Variants in CARS2 observed in about 807,000 individuals in gnomAD.
CARS2 encodes probable cysteine--tRNA ligase, mitochondrial.
In CARS2, 52 loss-of-function variants were observed where a neutral mutation model predicts 68.8. The ratio of observed to expected loss-of-function variants is 0.76; its 90% confidence interval spans 0.61 to 0.95. The LOEUF is 0.95. Ranked by LOEUF, CARS2 falls within the 40% of genes least tolerant of loss-of-function variation. The pLI, the probability that CARS2 is intolerant of heterozygous loss-of-function variation, is 0.00. For missense variants in CARS2, 780 were observed against 754.2 expected (o/e 1.03, Z -0.40); for synonymous variants, 314 against 303.6 (o/e 1.03, Z -0.36).
chr13:110,693,259 C>T (rs2063526557), intron 3 of CARS2, among the ~76,000 whole-genome samples: 1 of 152,182 alleles, frequency 6.6e-6, no homozygotes, highest in African/African-American at 2.4e-5. Flanking sequence ...GCTGCACCAG[C>T]ACCAACGGCC....
At position 110,653,072 on chromosome 13, in the gene CARS2, C is replaced by T. The variant is rs1221504957; in HGVS notation, c.988-1972G>A. 6.6e-6 allele frequency among the ~76,000 whole-genome samples: 1 copy of T among 151,946 alleles called. No homozygotes were observed. Among genetic ancestry groups the T allele is most frequent in the African/African-American group, 2.4e-5 (1 of 41,312 alleles). On this transcript the variant is annotated intron_variant, in intron 9 of 14. Coordinates refer to ENST00000257347, the MANE Select transcript of CARS2 (RefSeq NM_024537.4). The surrounding 1 kb of genome is among the most constrained non-coding windows in gnomAD (Gnocchi z 5.6). ...AAGCAGAGCCCCCGCTCCTCTACTT[C>T]AGTATCATCAACGGCCTTTGGGATC...
At chr13:110,710,281 C>T (rs991051498), upstream of CARS2, among the ~76,000 whole-genome samples, 1 of 152,116 alleles carries the variant, frequency 6.6e-6, no homozygotes, top group Admixed American at 6.6e-5. Context: ...ACTCAGGAGG[C>T]TGAGGCAGGA....
At chr13:110,672,585 T>G (rs1459181329) in intron 7 of CARS2, among the ~76,000 whole-genome samples, 1 of 152,188 alleles carries the variant, frequency 6.6e-6, no homozygotes, top group Non-Finnish European at 1.5e-5. Flanking sequence ...GGGAAATTTA[T>G]AGCACTAAAT....
chr13:110,705,742 C>T lies in CARS2; in HGVS notation c.224+128G>A, dbSNP rs2063924379. 3 of 1,537,336 alleles carry T rather than the reference C, an allele frequency of 2.0e-6. No individual in the cohort carries two copies. The highest frequency in any genetic ancestry group is 2.6e-6 in the Non-Finnish European group (3 of 1,144,756). On this transcript the variant is annotated intron_variant, in intron 1 of 14. Coordinates refer to ENST00000257347, the MANE Select transcript of CARS2 (RefSeq NM_024537.4). The surrounding 1 kb of genome is among the most constrained non-coding windows in gnomAD (Gnocchi z 4.0). Reference sequence around the variant, plus strand: ...CAAACCTGCAAAAGCACCGCGCACCCCCAGCTTCTAGAACGGCGCCCTCCA... The same window carrying T: ...CAAACCTGCAAAAGCACCGCGCACCTCCAGCTTCTAGAACGGCGCCCTCCA...
rs770452008 is a variant in CARS2 at position 110,647,227 on chromosome 13, C to T, written c.1067G>A (p.Ser356Asn). ...RSSYRSAIDYSDSAMLQAQQL... is the reference protein window; with the variant it reads ...RSSYRSAIDYNDSAMLQAQQL... Reference sequence around the variant, plus strand: ...CTGAGCTTGGAGCATGGCGCTGTCACTGTAGTCGATGGCTGAGGAGGAAGA... The same window carrying T: ...CTGAGCTTGGAGCATGGCGCTGTCATTGTAGTCGATGGCTGAGGAGGAAGA... Residue 356 changes from serine (S) to asparagine (N), a missense_variant, in exon 11 of 15, where the codon AGT becomes AAT. Transcript: ENST00000257347. The T allele has an allele frequency of 1.2e-5, 20 of 1,612,768 alleles. No homozygotes were observed. The East Asian group carries it at 2.7e-4, about 22-fold the overall frequency.
intron 13 of CARS2, chr13:110,643,985 C>T (rs1400315753): frequency 3.3e-6 from 2 of 600,792 alleles, no homozygotes; most frequent in Non-Finnish European, 5.1e-6. Context: ...CCCGTCCTGT[C>T]CGTACAAAAC....
chr13:110,700,080 C>T (rs2063739862), intron 3 of CARS2, among the ~76,000 whole-genome samples: 2 of 152,232 alleles, frequency 1.3e-5, no homozygotes. Context: ...GGCCCTGCCC[C>T]TGAAGGTCTG....
chr13:110,691,734 ATT>A (rs1203772601), intron 3 of CARS2, among the ~76,000 whole-genome samples: 1 of 152,092 alleles, frequency 6.6e-6, no homozygotes, highest in Non-Finnish European at 1.5e-5. Context: ...TTTTTGGTGT[ATT>A]CCATCATCTG....
chr13:110,713,009 T>C, intron 1 of CARS2: 1 of 1,532,192 alleles, frequency 6.5e-7, no homozygotes, highest in Non-Finnish European at 8.8e-7. Flanking sequence ...CGGCCGCAGC[T>C]CAAAGGACAC....
At chr13:110,708,911 G>A (rs886174900), upstream of CARS2, among the ~76,000 whole-genome samples, 1 of 151,564 alleles carries the variant, frequency 6.6e-6, no homozygotes, top group Non-Finnish European at 1.5e-5. Flanking sequence ...GTGCCACCAC[G>A]CTCAGCTAAT....
At chr13:110,651,164 T>C (rs2062201579) in intron 9 of CARS2, 64 bp from the exon 10 acceptor site, 1 of 1,117,654 alleles carries the variant, frequency 8.9e-7, no homozygotes. Context: ...GTTCAGAGAA[T>C]ATGTTACTTT....
At chr13:110,672,963 T>C (rs926939986) in intron 7 of CARS2, among the ~76,000 whole-genome samples, 2 of 152,114 alleles carry the variant, frequency 1.3e-5, no homozygotes, top group Admixed American at 1.3e-4. Context: ...CTAGAAAATC[T>C]AGAAGAAATG....
intron 3 of CARS2, among the ~76,000 whole-genome samples, chr13:110,696,746 A>T (rs913154696): frequency 3.9e-5 from 6 of 152,216 alleles, no homozygotes; most frequent in African/African-American, 1.4e-4. Flanking sequence ...TCTAATCATA[A>T]CATTTTTAAA....
Position 110,676,945 on chromosome 13 carries a change from C to T in CARS2, c.785+29G>A. On this transcript the variant is annotated intron_variant, in intron 7 of 14. Transcript: ENST00000257347. This position sits in a 1 kb window ranked among gnomAD's most constrained non-coding sequence, Gnocchi z 4.0. ...GCAGGCACCAGGGGAACTTGAGCCC[C>T]AACCCCCAGGAAGCGGCAGGCACCT... 6.6e-7 allele frequency: 1 copy of T among 1,504,654 alleles called. No homozygotes were observed. The allele number at this position is 1,504,654 out of a possible 1,614,324, so 93.2% of individuals were successfully genotyped here. A position where few individuals can be genotyped will look rare whatever the true frequency, so the allele number is the denominator to read the frequency against.
At chr13:110,694,093 T>A (rs1180526202) in intron 3 of CARS2, among the ~76,000 whole-genome samples, 2 of 152,154 alleles carry the variant, frequency 1.3e-5, no homozygotes, top group East Asian at 3.9e-4. Context: ...AATGGTGCGA[T>A]CTCAGCTCAC....
At chr13:110,656,485 G>C (rs2062369669) in intron 9 of CARS2, among the ~76,000 whole-genome samples, 1 of 152,206 alleles carries the variant, frequency 6.6e-6, no homozygotes, top group Admixed American at 6.5e-5. Flanking sequence ...TCCAGAATAG[G>C]TGAATCACAG....
At chr13:110,656,567 G>T (rs1246844460) in intron 9 of CARS2, among the ~76,000 whole-genome samples, 2 of 152,052 alleles carry the variant, frequency 1.3e-5, no homozygotes, top group African/African-American at 4.8e-5. Flanking sequence ...CCATGGATGT[G>T]GCGTTTCTTT....
chr13:110,713,286 C>T lies in CARS2; in HGVS notation n.250G>A, dbSNP rs183908864. The stretch of plus-strand genomic sequence containing the variant: ...GAGTCAGGGGCTGAGGAGCGAGTTG[C>T]GGTAGTTGCTGTGTACCATGGTCTC... On this transcript the variant is annotated non_coding_transcript_exon_variant, in exon 1 of 3. Transcript: ENST00000485188. 8.3e-5 allele frequency: 106 copies of T among 1,278,216 alleles called. No homozygotes were observed. The East Asian group carries it at 1.6e-3, about 20-fold the overall frequency. The allele number at this position is 1,278,216 out of a possible 1,614,324, so 79.2% of individuals were successfully genotyped here.
At chr13:110,645,510 C>G (rs1045980276) in intron 12 of CARS2, 3 of 152,816 alleles carry the variant, frequency 2.0e-5, no homozygotes, top group Non-Finnish European at 4.4e-5. Flanking sequence ...CTTTGTCCCA[C>G]CTGCCAAACA....
Sources: allele counts gnomAD v4.1 joint callset (sites outside exome capture counted in the v4.1 genomes callset), GRCh38; gene constraint gnomAD v4.1.1; non-coding constraint Gnocchi (gnomAD v3.1); transcripts MANE v1.5; gene names NCBI Gene and HGNC (gene_info 2026-07-23, HGNC 2026-07-21).